Variants in GLCCI1 observed in about 807,000 individuals in gnomAD.
GLCCI1 encodes glucocorticoid-induced transcript 1 protein.
GLCCI1 carries 24 observed loss-of-function variants against 52.2 expected under a neutral mutation model. That is an observed-to-expected ratio of 0.46 (90% CI 0.33 to 0.65). GLCCI1 has a LOEUF of 0.65. GLCCI1 is among the 30% of genes least tolerant of loss of function. GLCCI1 has a pLI of 0.02. For synonymous variants in GLCCI1, 310 were observed against 276.5 expected, an observed-to-expected ratio of 1.12 and a Z score of -1.20; for missense variants, 704 against 701.5, an observed-to-expected ratio of 1.00 and a Z score of -0.04.
At chr7:8,013,906 C>A (rs1269355092) in intron 2 of GLCCI1, among the ~76,000 whole-genome samples, 1 of 151,224 alleles carries the variant, frequency 6.6e-6, no homozygotes, top group African/African-American at 2.4e-5. Flanking sequence ...TTATTTATTT[C>A]TTGGTATGTG....
chr7:8,000,926 G>C (rs780304737), intron 1 of GLCCI1, among the ~76,000 whole-genome samples: 2 of 152,040 alleles, frequency 1.3e-5, no homozygotes, highest in African/African-American at 2.4e-5. Flanking sequence ...TTGAGCCTAT[G>C]TGTGTCTCTG....
At chr7:8,065,905 T>G (rs554330253) in intron 5 of GLCCI1, among the ~76,000 whole-genome samples, 2 of 152,228 alleles carry the variant, frequency 1.3e-5, no homozygotes, top group East Asian at 3.9e-4. Context: ...CAGGATGATG[T>G]TATCCTTATA....
At position 8,076,288 on chromosome 7, in the gene GLCCI1, C is replaced by A. The variant is rs911369507; in HGVS notation, c.1177+5157C>A. The stretch of plus-strand genomic sequence containing the variant: ...CCTTGAAAAATCACTGCTTTTGAAT[C>A]TGGATGCGTTTATCAAAATATTCTC... On this transcript the variant is annotated intron_variant, in intron 6 of 7. Coordinates refer to ENST00000223145, the MANE Select transcript of GLCCI1 (RefSeq NM_138426.4). Among the ~76,000 whole-genome samples, 6 of 152,134 alleles carry A rather than the reference C, an allele frequency of 3.9e-5. No homozygotes were observed. In the East Asian group the frequency reaches 1.2e-3, roughly 29 times the overall value.
At chr7:8,060,070 G>C (rs1196664700) in intron 4 of GLCCI1, 26 bp from the exon 5 acceptor site, 1 of 1,578,764 alleles carries the variant, frequency 6.3e-7, no homozygotes, top group Non-Finnish European at 8.6e-7. Context: ...CAAATAATTT[G>C]ATACCACCTT....
At chr7:8,045,740 A>C (rs1180941386) in intron 3 of GLCCI1, among the ~76,000 whole-genome samples, 1 of 152,188 alleles carries the variant, frequency 6.6e-6, no homozygotes, top group East Asian at 1.9e-4. Flanking sequence ...GAGGGACCAA[A>C]GTTCCAGTCT....
At chr7:8,076,210 G>A (rs1782874404) in intron 6 of GLCCI1, among the ~76,000 whole-genome samples, 1 of 151,870 alleles carries the variant, frequency 6.6e-6, no homozygotes, top group South Asian at 2.1e-4. Flanking sequence ...TTTCTTTTGG[G>A]GGTTTATATT....
At chr7:8,074,238 TATAA>T (rs1782826318) in intron 6 of GLCCI1, among the ~76,000 whole-genome samples, 1 of 74,470 alleles carries the variant, frequency 1.3e-5, no homozygotes, top group Non-Finnish European at 3.0e-5. Flanking sequence ...AATACACTAT[TATAA>T]ATACACTATT....
intron 1 of GLCCI1, among the ~76,000 whole-genome samples, chr7:7,990,191 C>T (rs1487776099): frequency 3.3e-5 from 5 of 152,070 alleles, no homozygotes; most frequent in African/African-American, 7.2e-5. Context: ...GTTAATGATT[C>T]AGGCTGTATC....
At chr7:8,073,482 C>CT (rs1782808951) in intron 6 of GLCCI1, among the ~76,000 whole-genome samples, 1 of 152,072 alleles carries the variant, frequency 6.6e-6, no homozygotes, top group Non-Finnish European at 1.5e-5. Flanking sequence ...CTGCATAACA[C>CT]TAATTTCTTT....
intron 1 of GLCCI1, among the ~76,000 whole-genome samples, chr7:7,976,368 A>G (rs1487938976): frequency 6.7e-6 from 1 of 150,290 alleles, no homozygotes; most frequent in Non-Finnish European, 1.5e-5. Flanking sequence ...AATCCCAGTT[A>G]CTCGGGAGGC....
In GLCCI1 at chr7:8,055,856, C is replaced by T. The variant is rs7805751; in HGVS notation, c.813+307C>T. The T allele has an allele frequency of 2.2e-3, 395 of 180,614 alleles. 4 individuals are homozygous for T. Among genetic ancestry groups the T allele is most frequent in the Non-Finnish European group, 8.8e-4 (75 of 85,446 alleles). 11.2% of individuals were successfully genotyped at this position (180,614 alleles called of 1,614,324 possible). Reference sequence around the variant, plus strand: ...AACACAAAAAAAATTAGCCGGGCGTCGTGCCGGGCGCCTGTAGTCCCAGCT... The same window carrying T: ...AACACAAAAAAAATTAGCCGGGCGTTGTGCCGGGCGCCTGTAGTCCCAGCT... On this transcript the variant is annotated intron_variant, in intron 4 of 7. Coordinates refer to ENST00000223145, the MANE Select transcript of GLCCI1 (RefSeq NM_138426.4).
chr7:7,993,118 C>G (rs888768641), intron 1 of GLCCI1, among the ~76,000 whole-genome samples: 1 of 152,016 alleles, frequency 6.6e-6, no homozygotes, highest in Non-Finnish European at 1.5e-5. Flanking sequence ...TCTTTGTATG[C>G]TTTTATTCCC....
chr7:7,978,105 T>C (rs1780533464), intron 1 of GLCCI1, among the ~76,000 whole-genome samples: 1 of 152,226 alleles, frequency 6.6e-6, no homozygotes, highest in South Asian at 2.1e-4. Flanking sequence ...CCCCAGTAAT[T>C]ATGCCATCAT....
intron 3 of GLCCI1, among the ~76,000 whole-genome samples, chr7:8,034,741 G>C (rs1037003392): frequency 2.0e-5 from 3 of 152,186 alleles, no homozygotes; most frequent in African/African-American, 7.2e-5. Flanking sequence ...GGAAAAAGAG[G>C]CTGGCAGAGA....
chr7:8,045,005 G>A (rs1023987003), intron 3 of GLCCI1, among the ~76,000 whole-genome samples: 7 of 152,206 alleles, frequency 4.6e-5, no homozygotes, highest in South Asian at 2.1e-4. Context: ...CACTTTTACC[G>A]TAGGCTAATG....
chr7:7,970,299 AATG>A (rs1438802139), intron 1 of GLCCI1: 1 of 152,230 alleles, frequency 6.6e-6, no homozygotes, highest in Non-Finnish European at 1.5e-5. Context: ...GGCTGGATGT[AATG>A]ATATCTGCTA....
intron 1 of GLCCI1, among the ~76,000 whole-genome samples, chr7:7,986,385 G>T (rs35406704): frequency 1.1e-4 from 17 of 151,754 alleles, no homozygotes; most frequent in Non-Finnish European, 1.9e-4. Flanking sequence ...AGGGGGAGGG[G>T]GGGGTGGCAG....
Position 7,969,364 on chromosome 7 carries a change from C to A in GLCCI1, c.14C>A (p.Ser5Tyr). MSTASSSSSSSSSQT... is the reference protein window; with the variant it reads MSTAYSSSSSSSSQT... ...CGCAGAGCCACCATGTCCACTGCCT[C>A]CTCCTCCTCCTCCTCCAGTTCCTCT... Residue 5 changes from serine to tyrosine, a missense_variant, in exon 1 of 8, where the codon TCC becomes TAC. By Grantham distance (144) the Ser-to-Tyr change is moderately radical. Coordinates refer to ENST00000223145, the MANE Select transcript of GLCCI1 (RefSeq NM_138426.4). This position sits in a 1 kb window ranked among gnomAD's most constrained non-coding sequence, Gnocchi z 4.9. The A allele has an allele frequency of 2.7e-6, 4 of 1,486,158 alleles. No homozygotes were observed. Among genetic ancestry groups the A allele is most frequent in the Non-Finnish European group, 3.6e-6 (4 of 1,119,618 alleles). 92.1% of individuals were successfully genotyped at this position (1,486,158 alleles called of 1,614,324 possible).
At chr7:8,013,500 TTGTA>T (rs1781312163) in intron 2 of GLCCI1, among the ~76,000 whole-genome samples, 1 of 150,332 alleles carries the variant, frequency 6.7e-6, no homozygotes, top group Middle Eastern at 3.4e-3. Context: ...TTTTAATAAT[TTGTA>T]TGGCTAGTCT....
Sources: allele counts gnomAD v4.1 joint callset (sites outside exome capture counted in the v4.1 genomes callset), GRCh38; gene constraint gnomAD v4.1.1; non-coding constraint Gnocchi (gnomAD v3.1); transcripts MANE v1.5; gene names NCBI Gene and HGNC (gene_info 2026-07-23, HGNC 2026-07-21).